CCSER2: variants seen among roughly 807,000 people sequenced by gnomAD.
The protein encoded by CCSER2 is serine-rich coiled-coil domain-containing protein 2.
CCSER2 carries 46 observed loss-of-function variants against 92.3 expected under a neutral mutation model. The ratio of observed to expected loss-of-function variants is 0.50; its 90% CI spans 0.39 to 0.64. The LOEUF (loss-of-function observed/expected upper bound fraction) is 0.64, where lower values mean the gene tolerates loss of function less well. Ranked by LOEUF, CCSER2 falls within the 30% of genes least tolerant of loss-of-function variation. CCSER2 has a pLI of 0.00. For missense variants in CCSER2, 1,244 were observed against 1,238.9 expected (o/e 1.00, Z -0.06); for synonymous variants, 433 against 431.4 (o/e 1.00, Z -0.04).
intron 3 of CCSER2, among the ~76,000 whole-genome samples, chr10:84,379,624 C>T (rs1840786695): frequency 6.6e-6 from 1 of 151,842 alleles, no homozygotes; most frequent in Non-Finnish European, 1.5e-5. Context: ...TTTTTATGTG[C>T]GTTGTTTTAA....
intron 5 of CCSER2, among the ~76,000 whole-genome samples, chr10:84,426,787 A>G (rs1843458817): frequency 6.6e-6 from 1 of 152,224 alleles, no homozygotes; most frequent in African/African-American, 2.4e-5. Context: ...AGCAAAAGCA[A>G]AGAATAAAAT....
At chr10:84,498,320 C>T (rs916387222) in intron 9 of CCSER2, among the ~76,000 whole-genome samples, 2 of 152,138 alleles carry the variant, frequency 1.3e-5, no homozygotes, top group South Asian at 2.1e-4. Context: ...GGGTCATCAC[C>T]TTATTCAATG....
intron 3 of CCSER2, among the ~76,000 whole-genome samples, chr10:84,410,488 T>G (rs1564637014): frequency 6.6e-6 from 1 of 152,170 alleles, no homozygotes; most frequent in Non-Finnish European, 1.5e-5. Context: ...CTCATTTTGG[T>G]TTTTATTTGC....
chr10:84,466,056 T>C (rs1846407996), intron 7 of CCSER2, among the ~76,000 whole-genome samples: 1 of 152,324 alleles, frequency 6.6e-6, no homozygotes, highest in African/African-American at 2.4e-5. Context: ...GACATTTTGT[T>C]ACACAGTATT....
chr10:84,341,606 C>T (rs188669690), intron 1 of CCSER2, among the ~76,000 whole-genome samples: 159 of 152,212 alleles, frequency 1.0e-3, no homozygotes, highest in African/African-American at 3.7e-3. Context: ...CAATCTAACA[C>T]TGTCTACCTG....
At chr10:84,426,590 A>G (rs1410145322) in intron 5 of CCSER2, among the ~76,000 whole-genome samples, 1 of 152,220 alleles carries the variant, frequency 6.6e-6, no homozygotes, top group Admixed American at 6.5e-5. Flanking sequence ...AGTTTACAGT[A>G]GGCACTCTGT....
chr10:84,421,810 A>G (rs947743185), intron 4 of CCSER2, among the ~76,000 whole-genome samples: 5 of 152,242 alleles, frequency 3.3e-5, no homozygotes, highest in African/African-American at 1.2e-4. Context: ...ATGAAGACCC[A>G]AAGACCTAGG....
intron 3 of CCSER2, among the ~76,000 whole-genome samples, chr10:84,405,982 A>C (rs1259042283): frequency 6.6e-6 from 1 of 152,196 alleles, no homozygotes; most frequent in Non-Finnish European, 1.5e-5. Flanking sequence ...TATTCACACA[A>C]AAAGTTGTAC....
At chr10:84,376,206 A>G (rs545957621) in intron 3 of CCSER2, among the ~76,000 whole-genome samples, 11 of 152,252 alleles carry the variant, frequency 7.2e-5, no homozygotes, top group South Asian at 2.1e-4. Context: ...AATCCTGGCT[A>G]TTTATTTGTT....
At chr10:84,476,393 TGTG>T (rs1199398814) in intron 8 of CCSER2, among the ~76,000 whole-genome samples, 1 of 150,964 alleles carries the variant, frequency 6.6e-6, no homozygotes, top group Non-Finnish European at 1.5e-5. Context: ...TAACAAATAA[TGTG>T]GTTATTTTCT....
chr10:84,452,498 A>G (rs1244168398), intron 6 of CCSER2, among the ~76,000 whole-genome samples: 2 of 152,240 alleles, frequency 1.3e-5, no homozygotes, highest in East Asian at 1.9e-4. Flanking sequence ...ATGTATTAGC[A>G]TCCTAATTGC....
intron 1 of CCSER2, among the ~76,000 whole-genome samples, chr10:84,354,670 ATC>A (rs1564591888): frequency 1.3e-5 from 2 of 149,944 alleles, no homozygotes; most frequent in African/African-American, 4.9e-5. Flanking sequence ...AAATTTGACC[ATC>A]GTTCCTGTAC....
chr10:84,393,481 C>A (rs763870371), intron 3 of CCSER2, among the ~76,000 whole-genome samples: 26 of 151,372 alleles, frequency 1.7e-4, no homozygotes, highest in Admixed American at 1.3e-4. Context: ...TTTTTTTGTT[C>A]AAAGCATGAT....
intron 3 of CCSER2, among the ~76,000 whole-genome samples, chr10:84,414,073 A>ATACC (rs1842779722): frequency 1.3e-5 from 2 of 152,182 alleles, no homozygotes; most frequent in African/African-American, 4.8e-5. Context: ...TGAAGACAGC[A>ATACC]TACCGATGGA....
At chr10:84,331,963 G>A (rs1843583024) in intron 1 of CCSER2, among the ~76,000 whole-genome samples, 1 of 152,142 alleles carries the variant, frequency 6.6e-6, no homozygotes, top group African/African-American at 2.4e-5. Context: ...AATGCCGTTA[G>A]TATATAGCTG....
At chr10:84,475,149 T>A (rs1847062561) in intron 8 of CCSER2, among the ~76,000 whole-genome samples, 1 of 152,204 alleles carries the variant, frequency 6.6e-6, no homozygotes. Flanking sequence ...ACTTTCCTGT[T>A]TGATTGGCTA....
At position 84,475,842 on chromosome 10, in the gene CCSER2, G is replaced by T. The variant is rs1589764890; in HGVS notation, c.2236-1733G>T. On this transcript the variant is annotated intron_variant, in intron 8 of 9. Coordinates refer to ENST00000372088, the MANE Select transcript of CCSER2 (RefSeq NM_001284240.2). ...CTTGATTATATATTGAATTTGGGGG[G>T]TTATTTTGGAGTTAGAGTCTCACTC... Among the ~76,000 whole-genome samples, 10 of 152,136 alleles carry T rather than the reference G, an allele frequency of 6.6e-5. 4 individuals are homozygous for T. The highest frequency in any genetic ancestry group is 6.5e-4 in the Admixed American group (10 of 15,274).
At chr10:84,488,980 C>T (rs1288261287) in intron 9 of CCSER2, among the ~76,000 whole-genome samples, 2 of 152,118 alleles carry the variant, frequency 1.3e-5, no homozygotes, top group Admixed American at 6.6e-5. Context: ...TTATTTCTGC[C>T]TTCATTTCGT....
chr10:84,405,004 T>C (rs1842307644), intron 3 of CCSER2, among the ~76,000 whole-genome samples: 1 of 152,066 alleles, frequency 6.6e-6, no homozygotes, highest in Non-Finnish European at 1.5e-5. Flanking sequence ...CCAATCAGAA[T>C]CCCAGCAGGA....
Sources: gnomAD v4.1 joint callset for allele counts (sites outside exome capture counted in the v4.1 genomes callset) on GRCh38, gnomAD v4.1.1 for gene constraint, MANE v1.5 for transcripts, NCBI Gene and HGNC (gene_info 2026-07-23, HGNC 2026-07-21) for gene names.